Variants in PCDH9 observed in about 807,000 individuals in gnomAD.
PCDH9 encodes protocadherin 9.
Under a neutral mutation model 70.6 loss-of-function variants are expected in PCDH9, and 24 were observed. The observed-to-expected ratio is 0.34, with a 90% confidence interval of 0.25 to 0.48. The LOEUF (loss-of-function observed/expected upper bound fraction) is 0.48, where lower values mean the gene tolerates loss of function less well. Among genes scored for constraint, PCDH9 ranks in the 20% least tolerant of loss-of-function variants. PCDH9 has a pLI of 0.99. For synonymous variants in PCDH9, 562 were observed against 558.5 expected, an observed-to-expected ratio of 1.01 and a Z score of -0.09; for missense variants, 1,281 against 1,503.6, an observed-to-expected ratio of 0.85 and a Z score of 2.45.
At chr13:67,178,385 A>G (rs939160350) in intron 2 of PCDH9, among the ~76,000 whole-genome samples, 6 of 152,252 alleles carry the variant, frequency 3.9e-5, no homozygotes, top group South Asian at 2.1e-4. Context: ...AATAAATGAG[A>G]TATTTAGCAC....
At chr13:67,194,166 A>T (rs1303748676) in intron 2 of PCDH9, among the ~76,000 whole-genome samples, 1 of 152,112 alleles carries the variant, frequency 6.6e-6, no homozygotes, top group African/African-American at 2.4e-5. Flanking sequence ...ATTTTGTGCC[A>T]GATACTTTTC....
chr13:67,021,258 C>T (rs260171), intron 2 of PCDH9, among the ~76,000 whole-genome samples: 151,113 of 152,264 alleles, frequency 0.99, 74,998 homozygotes, highest in East Asian at 1. Flanking sequence ...CTGTAATCCC[C>T]GTTGAAGAGA....
intron 4 of PCDH9, among the ~76,000 whole-genome samples, chr13:66,484,422 A>T (rs1021866645): frequency 6.6e-6 from 1 of 152,084 alleles, no homozygotes; most frequent in Admixed American, 6.6e-5. Flanking sequence ...CCACACCCAC[A>T]TCACACACCG....
chr13:66,518,781 G>T (rs1959858274), intron 4 of PCDH9, among the ~76,000 whole-genome samples: 1 of 152,130 alleles, frequency 6.6e-6, no homozygotes, highest in African/African-American at 2.4e-5. Flanking sequence ...CAGTGCTGTT[G>T]TTGGGAGGGG....
intron 4 of PCDH9, among the ~76,000 whole-genome samples, chr13:66,355,937 T>C (rs1488698669): frequency 6.6e-6 from 1 of 152,126 alleles, no homozygotes; most frequent in Non-Finnish European, 1.5e-5. Flanking sequence ...CTCTGACTAA[T>C]AGTTCCCTTT....
intron 4 of PCDH9, among the ~76,000 whole-genome samples, chr13:66,429,475 A>G (rs1197748953): frequency 6.7e-6 from 1 of 149,576 alleles, no homozygotes; most frequent in Non-Finnish European, 1.5e-5. Context: ...TAAAAAGACT[A>G]TACAAAAAAT....
At chr13:66,720,916 A>G (rs1253841553) in intron 3 of PCDH9, among the ~76,000 whole-genome samples, 1 of 152,176 alleles carries the variant, frequency 6.6e-6, no homozygotes, top group Non-Finnish European at 1.5e-5. Flanking sequence ...GGGGAAAAAA[A>G]GCATAAGGTG....
intron 2 of PCDH9, among the ~76,000 whole-genome samples, chr13:67,156,342 A>T (rs1401010199): frequency 1.3e-5 from 2 of 152,128 alleles, no homozygotes; most frequent in African/African-American, 2.4e-5. Context: ...GTAGGAACAC[A>T]CAGGCCGTTG....
chr13:66,634,583 C>A (rs1222216974), intron 3 of PCDH9, among the ~76,000 whole-genome samples: 1 of 151,998 alleles, frequency 6.6e-6, no homozygotes, highest in African/African-American at 2.4e-5. Context: ...TAATACCTTG[C>A]CTGTGGAAGT....
intron 4 of PCDH9, among the ~76,000 whole-genome samples, chr13:66,430,456 G>C (rs1957751265): frequency 6.6e-6 from 1 of 152,024 alleles, no homozygotes; most frequent in Admixed American, 6.6e-5. Flanking sequence ...GTCTGTAAGG[G>C]AGAGTGAAGG....
intron 4 of PCDH9, among the ~76,000 whole-genome samples, chr13:66,467,761 TAA>T (rs1555296668): frequency 2.6e-5 from 4 of 152,114 alleles, no homozygotes; most frequent in Non-Finnish European, 5.9e-5. Context: ...ATTTTAACCC[TAA>T]GTCCTACTCC....
chr13:66,709,975 T>C (rs904796480), intron 3 of PCDH9, among the ~76,000 whole-genome samples: 3 of 152,182 alleles, frequency 2.0e-5, no homozygotes, highest in Non-Finnish European at 2.9e-5. Context: ...ATATTTTTCA[T>C]AGTAATTTTA....
intron 3 of PCDH9, among the ~76,000 whole-genome samples, chr13:66,724,209 T>A (rs1436537670): frequency 6.6e-6 from 1 of 152,240 alleles, no homozygotes. Context: ...CACAATTCAT[T>A]TGATTGTTGT....
intron 4 of PCDH9, among the ~76,000 whole-genome samples, chr13:66,377,054 T>A (rs1429249354): frequency 1.3e-5 from 2 of 152,118 alleles, no homozygotes; most frequent in Admixed American, 1.3e-4. Flanking sequence ...ATGTAATAGG[T>A]ACGGAGAGAA....
At chr13:66,317,392 G>A (rs1196543177) in intron 4 of PCDH9, among the ~76,000 whole-genome samples, 2 of 152,064 alleles carry the variant, frequency 1.3e-5, no homozygotes, top group African/African-American at 2.4e-5. Context: ...AATAATATTT[G>A]GAATGTTCAA....
At chr13:66,380,704 C>A (rs373338000) in intron 4 of PCDH9, among the ~76,000 whole-genome samples, 2 of 151,934 alleles carry the variant, frequency 1.3e-5, no homozygotes, top group Admixed American at 1.3e-4. Context: ...CCACCACGCC[C>A]GGCTAATTTT....
intron 2 of PCDH9, among the ~76,000 whole-genome samples, chr13:67,143,163 A>T (rs185206939): frequency 6.6e-6 from 1 of 152,312 alleles, no homozygotes; most frequent in African/African-American, 2.4e-5. Flanking sequence ...TCTAAATAAG[A>T]TTGTTTCATC....
intron 4 of PCDH9, among the ~76,000 whole-genome samples, chr13:66,369,375 T>C (rs1956607241): frequency 6.6e-6 from 1 of 152,172 alleles, no homozygotes; most frequent in East Asian, 1.9e-4. Flanking sequence ...AGTTAGTTTA[T>C]GACATAACAT....
chr13:66,678,571 A>C (rs1166575689), intron 3 of PCDH9, among the ~76,000 whole-genome samples: 1 of 152,050 alleles, frequency 6.6e-6, no homozygotes, highest in Non-Finnish European at 1.5e-5. Context: ...TGACTGAGTA[A>C]CTAAATAATG....
Sources: gnomAD v4.1 joint callset for allele counts (sites outside exome capture counted in the v4.1 genomes callset) on GRCh38, gnomAD v4.1.1 for gene constraint, MANE v1.5 for transcripts, NCBI Gene and HGNC (gene_info 2026-07-23, HGNC 2026-07-21) for gene names.